FAAH2: variants seen among roughly 807,000 people sequenced by gnomAD.
FAAH2 encodes fatty acid amide hydrolase 2, also known as fatty-acid amide hydrolase 2.
Under a neutral mutation model 36.9 loss-of-function variants are expected in FAAH2, and 60 were observed. The observed-to-expected ratio is 1.63, with a 90% confidence interval of 1.32 to 2.02. The LOEUF is 2.02. FAAH2 is among the 30% of genes most tolerant of loss of function. The pLI is 0.00. For missense variants in FAAH2, 689 were observed against 397.5 expected (o/e 1.73, Z -6.23); for synonymous variants, 214 against 143.8 (o/e 1.49, Z -3.49).
At chrX:57,146,519 G>A in the FAAH2 span, among the ~76,000 whole-genome samples, 1 of 111,831 alleles carries the variant, frequency 8.9e-6, no homozygotes, top group Non-Finnish European at 1.9e-5. Context: ...AATAGTGGCA[G>A]TTTGACTTCC....
At position 57,349,480 on chromosome X, in the gene FAAH2, CAT is replaced by C. The variant is rs1171595988; in HGVS notation, c.742+8098_742+8099del. 8.9e-4 allele frequency among the ~76,000 whole-genome samples: 87 copies of C among 97,748 alleles called. 1 individual carries two copies. Among genetic ancestry groups the C allele is most frequent in the Non-Finnish European group, 9.9e-4 (49 of 49,531 alleles). The allele number at this position is 97,748 out of a possible 115,157, so 84.9% of individuals were successfully genotyped here. On this transcript the variant is annotated intron_variant, in intron 5 of 10. Transcript: ENST00000374900. The stretch of plus-strand genomic sequence containing the variant: ...ATATATACATACATGCATATATACA[CAT>C]ATATATACACATATATACATATATA...
chrX:57,371,086 G>T (rs904120911), intron 5 of FAAH2, among the ~76,000 whole-genome samples: 14 of 111,799 alleles, frequency 1.3e-4, no homozygotes, highest in African/African-American at 3.6e-4. Flanking sequence ...AAATTTGTTG[G>T]TTTTTTATTT....
chrX:57,153,385 G>A, the FAAH2 span, among the ~76,000 whole-genome samples: 1 of 111,914 alleles, frequency 8.9e-6, no homozygotes, highest in Admixed American at 9.5e-5. Context: ...ATTGAGATGT[G>A]AGATACTATT....
intron 7 of FAAH2, among the ~76,000 whole-genome samples, chrX:57,419,268 T>C (rs1339776838): frequency 1.8e-5 from 2 of 110,725 alleles, no homozygotes; most frequent in Non-Finnish European, 3.8e-5. Context: ...GTATTTCTAG[T>C]TCTAGATCCC....
At chrX:57,450,611 G>T (rs1296937185) in intron 10 of FAAH2, among the ~76,000 whole-genome samples, 5 of 111,249 alleles carry the variant, frequency 4.5e-5, no homozygotes, top group Non-Finnish European at 9.4e-5. Context: ...TTTTATTCCT[G>T]GTTCTTTTTT....
chrX:57,382,593 C>T (rs1215377548), intron 7 of FAAH2, among the ~76,000 whole-genome samples: 1 of 111,506 alleles, frequency 9.0e-6, no homozygotes, highest in Admixed American at 9.5e-5. Context: ...GGATAAATTC[C>T]TGGACACATA....
chrX:57,437,539 A>T (rs1325436859), intron 8 of FAAH2, among the ~76,000 whole-genome samples: 1 of 109,734 alleles, frequency 9.1e-6, no homozygotes, highest in Admixed American at 9.9e-5. Flanking sequence ...AAGTTTCAGG[A>T]TACAAAATAC....
chrX:57,352,877 C>T (rs1160080118), intron 5 of FAAH2, among the ~76,000 whole-genome samples: 2 of 110,332 alleles, frequency 1.8e-5, no homozygotes, highest in African/African-American at 6.5e-5. Context: ...AAACAAAATA[C>T]CTGCTTATAA....
intron 10 of FAAH2, among the ~76,000 whole-genome samples, chrX:57,469,504 G>A (rs184842357): frequency 1.6e-3 from 178 of 111,645 alleles, no homozygotes; most frequent in Non-Finnish European, 2.6e-3. Flanking sequence ...GACAAAGAAG[G>A]CCATTACATA....
At chrX:57,433,463 A>T (rs887615372) in intron 8 of FAAH2, among the ~76,000 whole-genome samples, 1 of 112,113 alleles carries the variant, frequency 8.9e-6, no homozygotes, top group African/African-American at 3.2e-5. Flanking sequence ...TTTTAATTAC[A>T]AACCTAATTT....
At chrX:57,461,514 A>G (rs915189854) in intron 10 of FAAH2, among the ~76,000 whole-genome samples, 1 of 111,636 alleles carries the variant, frequency 9.0e-6, no homozygotes, top group African/African-American at 3.3e-5. Context: ...AAACCACACA[A>G]CTACATGGAA....
chrX:57,387,483 CAG>C (rs1334103783), intron 7 of FAAH2, among the ~76,000 whole-genome samples: 1 of 110,936 alleles, frequency 9.0e-6, no homozygotes, highest in Non-Finnish European at 1.9e-5. Flanking sequence ...ATGAGGAAAA[CAG>C]AGAAGACAAA....
chrX:57,123,471 A>G, the FAAH2 span, among the ~76,000 whole-genome samples: 1 of 112,321 alleles, frequency 8.9e-6, no homozygotes, highest in African/African-American at 3.2e-5. Context: ...GTATGTGTGC[A>G]TGTGTCTTTA....
the FAAH2 span, among the ~76,000 whole-genome samples, chrX:57,138,879 C>T: frequency 1.8e-5 from 2 of 112,050 alleles, no homozygotes; most frequent in African/African-American, 3.2e-5. Flanking sequence ...AATGTCTACT[C>T]AGCTCTTTTG....
intron 5 of FAAH2, among the ~76,000 whole-genome samples, chrX:57,342,676 TA>T (rs757480805): frequency 8.8e-4 from 98 of 110,757 alleles, no homozygotes; most frequent in African/African-American, 2.9e-3. Context: ...ATTACATGGG[TA>T]AATTGTGTGT....
intron 2 of FAAH2, among the ~76,000 whole-genome samples, chrX:57,295,270 C>G (rs1198208839): frequency 2.7e-5 from 3 of 112,164 alleles, no homozygotes; most frequent in Non-Finnish European, 5.6e-5. Context: ...AAACTGGAAT[C>G]AACTACTGTT....
intron 8 of FAAH2, among the ~76,000 whole-genome samples, chrX:57,440,543 G>A (rs1316349086): frequency 9.0e-6 from 1 of 111,368 alleles, no homozygotes; most frequent in South Asian, 3.7e-4. Context: ...CATGTCATCT[G>A]CAAACAGGGA....
At chrX:57,378,581 C>G (rs2054748461) in intron 5 of FAAH2, 70 bp from the exon 6 acceptor site, 1 of 1,167,242 alleles carries the variant, frequency 8.6e-7, no homozygotes, top group African/African-American at 1.8e-5. Flanking sequence ...GATTAAACAC[C>G]ATAATGAAAT....
chrX:57,473,523 GTAAATGACTACTACGTCCA>G (rs1389840995), intron 10 of FAAH2, among the ~76,000 whole-genome samples: 1 of 111,370 alleles, frequency 9.0e-6, no homozygotes, highest in African/African-American at 3.3e-5. Flanking sequence ...ATGCTATAGT[GTAAATGACTACTACGTCCA>G]TTTGATCTAT....
Sources: allele counts gnomAD v4.1 joint callset (sites outside exome capture counted in the v4.1 genomes callset), GRCh38; gene constraint gnomAD v4.1.1; transcripts MANE v1.5; gene names NCBI Gene and HGNC (gene_info 2026-07-23, HGNC 2026-07-21).